The following SPICE1 variants were observed in gnomAD, a reference collection of about 807,000 sequenced individuals.
SPICE1 encodes the protein spindle and centriole-associated protein 1.
SPICE1 carries 75 observed loss-of-function variants against 102.7 expected under a neutral mutation model. The observed-to-expected ratio is 0.73, with a 90% CI of 0.61 to 0.88. The LOEUF (loss-of-function observed/expected upper bound fraction) is 0.88. SPICE1 is among the 40% of genes least tolerant of loss of function. The pLI is 0.00. For synonymous variants in SPICE1, 308 were observed against 350.3 expected, an observed-to-expected ratio of 0.88 and a Z score of 1.35; for missense variants, 979 against 1,020.1, an observed-to-expected ratio of 0.96 and a Z score of 0.55.
At chr3:113,506,672 G>A in intron 1 of SPICE1, 67 bp from the exon 2 acceptor site, 2 of 1,242,688 alleles carry the variant, frequency 1.6e-6, no homozygotes, top group Non-Finnish European at 2.3e-6. Flanking sequence ...CCAGAGTGGG[G>A]GAAGACACCT....
At chr3:113,490,291 T>C (rs1483311285) in intron 6 of SPICE1, among the ~76,000 whole-genome samples, 1 of 152,186 alleles carries the variant, frequency 6.6e-6, no homozygotes, top group Non-Finnish European at 1.5e-5. Flanking sequence ...CAAACCTCTA[T>C]CTTCACACCC....
At chr3:113,457,447 G>C (rs1935804529) in intron 12 of SPICE1, 90 bp from the exon 13 acceptor site, 2 of 1,312,964 alleles carry the variant, frequency 1.5e-6, no homozygotes, top group Non-Finnish European at 2.1e-6. Context: ...CATCTCAGTA[G>C]AGTGCAAAAT....
intron 2 of SPICE1, 41 bp downstream of exon 2, chr3:113,506,466 C>A: frequency 6.7e-7 from 1 of 1,484,724 alleles, no homozygotes; most frequent in Non-Finnish European, 9.4e-7. Flanking sequence ...TCCATTTCTC[C>A]AGAGTAATGT....
Position 113,468,197 on chromosome 3 carries a change from G to T in SPICE1, c.1097C>A (p.Thr366Lys). ...GCTCACCAGCGACAAAGTGAAGCCT[G>T]TAAGACCCTGACTGCTCTGCAGACC... ...VKGLQSSQGL[T>K]GFTLSLVSSL... Residue 366 changes from threonine to lysine, a missense_variant, in exon 10 of 18, where the codon ACA becomes AAA. Transcript: ENST00000295872. The T allele has an allele frequency of 6.2e-7, 1 of 1,614,176 alleles. No homozygotes were observed. The highest frequency in any genetic ancestry group is 2.2e-5 in the East Asian group (1 of 44,888).
chr3:113,498,184 T>G (rs995023177), intron 4 of SPICE1, among the ~76,000 whole-genome samples: 1 of 152,126 alleles, frequency 6.6e-6, no homozygotes, highest in African/African-American at 2.4e-5. Context: ...CTGTTATATA[T>G]TTTTTTAATG....
At chr3:113,502,021 A>G (rs1302618026) in intron 3 of SPICE1, among the ~76,000 whole-genome samples, 3 of 152,238 alleles carry the variant, frequency 2.0e-5, no homozygotes, top group African/African-American at 7.2e-5. Context: ...CAACTGAACA[A>G]CAGATAAATA....
intron 1 of SPICE1, among the ~76,000 whole-genome samples, chr3:113,511,000 G>A (rs542837330): frequency 3.3e-5 from 5 of 152,194 alleles, no homozygotes; most frequent in East Asian, 1.9e-4. Context: ...GCCAACAAAC[G>A]TATGAAAAAA....
At chr3:113,456,312 A>T (rs1935777509) in intron 13 of SPICE1, among the ~76,000 whole-genome samples, 1 of 121,046 alleles carries the variant, frequency 8.3e-6, no homozygotes, top group Non-Finnish European at 1.8e-5. Flanking sequence ...GTGTAAAAAT[A>T]AAAAAAAAAA....
chr3:113,514,551 C>G (rs1297847797), intron 1 of SPICE1: 1 of 420,358 alleles, frequency 2.4e-6, no homozygotes, highest in Non-Finnish European at 4.8e-6. Flanking sequence ...AAACCAAGCT[C>G]TCGCCTCACA....
chr3:113,460,508 G>A, intron 12 of SPICE1, 109 bp downstream of exon 12: 1 of 1,480,616 alleles, frequency 6.8e-7, no homozygotes, highest in South Asian at 1.5e-5. Context: ...TACTGTACAT[G>A]CATAAACAGT....
intron 3 of SPICE1, among the ~76,000 whole-genome samples, chr3:113,501,906 CAT>C (rs1937014582): frequency 6.6e-6 from 1 of 152,088 alleles, no homozygotes; most frequent in African/African-American, 2.4e-5. Flanking sequence ...TAGATGTATA[CAT>C]ATAAAAGAAC....
chr3:113,460,301 A>G (rs1489401278), intron 12 of SPICE1: 9 of 949,688 alleles, frequency 9.5e-6, no homozygotes, highest in Non-Finnish European at 1.0e-5. Context: ...TTCTACCTGT[A>G]TGACTTTGCT....
chr3:113,483,903 G>A (rs571375711), intron 7 of SPICE1, among the ~76,000 whole-genome samples: 4 of 152,298 alleles, frequency 2.6e-5, no homozygotes, highest in Non-Finnish European at 5.9e-5. Context: ...AAATGATTTA[G>A]GGAGGATTCC....
rs1250928992 is a variant in SPICE1, at chr3:113,478,292, A to G, written c.612-9054T>C. ...CTAACAAGGCAAGACTGAACTCTGCATTGTATACAAGAGACATACTTAATA... is the reference window on the plus strand; with the variant it reads ...CTAACAAGGCAAGACTGAACTCTGCGTTGTATACAAGAGACATACTTAATA... On this transcript the variant is annotated intron_variant, in intron 7 of 17. Transcript: ENST00000295872. Among the ~76,000 whole-genome samples the G allele has an allele frequency of 2.0e-5, 3 of 152,174 alleles. No homozygotes were observed. The East Asian group carries it at 5.8e-4, about 29-fold the overall frequency.
At chr3:113,458,371 C>T (rs1209603904) in intron 12 of SPICE1, among the ~76,000 whole-genome samples, 1 of 152,210 alleles carries the variant, frequency 6.6e-6, no homozygotes, top group Non-Finnish European at 1.5e-5. Flanking sequence ...CGCCACCACA[C>T]CTGACTGGTT....
chr3:113,502,662 T>TAA (rs35248720), intron 3 of SPICE1, among the ~76,000 whole-genome samples: 13 of 87,260 alleles, frequency 1.5e-4, no homozygotes, highest in South Asian at 7.8e-4. Flanking sequence ...CAATAAATCT[T>TAA]AAAAAAAAAA....
intron 4 of SPICE1, among the ~76,000 whole-genome samples, chr3:113,497,299 CAG>C (rs1300222501): frequency 6.6e-6 from 1 of 152,184 alleles, no homozygotes. Context: ...GTTTAATAAA[CAG>C]AAACAAATTT....
At chr3:113,480,591 A>G (rs532016392) in intron 7 of SPICE1, among the ~76,000 whole-genome samples, 1 of 152,218 alleles carries the variant, frequency 6.6e-6, no homozygotes, top group Non-Finnish European at 1.5e-5. Flanking sequence ...ATATTAAGAG[A>G]CATAAGCAGA....
rs762439685 is a variant in SPICE1, at chr3:113,468,189, T to C, written c.1105A>G (p.Thr369Ala). The change falls in exon 10 of 18, where the codon ACT (threonine) becomes GCT (alanine). Residue 369 changes from threonine (T) to alanine (A), a missense_variant. Thr to Ala is a moderately conservative substitution (Grantham distance 58, BLOSUM62 0). Coordinates refer to ENST00000295872, the MANE Select transcript of SPICE1 (RefSeq NM_144718.4). ...LQSSQGLTGFTLSLVSSLCRL... is the reference protein window; with the variant it reads ...LQSSQGLTGFALSLVSSLCRL... ...CAGAGGGAGCTCACCAGCGACAAAG[T>C]GAAGCCTGTAAGACCCTGACTGCTC... The C allele has an allele frequency of 6.2e-7, 1 of 1,614,184 alleles. No homozygotes were observed. The highest frequency in any genetic ancestry group is 1.1e-5 in the South Asian group (1 of 91,088).
Sources: gnomAD v4.1 joint callset for allele counts (sites outside exome capture counted in the v4.1 genomes callset) on GRCh38, gnomAD v4.1.1 for gene constraint, MANE v1.5 for transcripts, NCBI Gene and HGNC (gene_info 2026-07-23, HGNC 2026-07-21) for gene names.